SLC9A9: variants seen among roughly 807,000 people sequenced by gnomAD.
The protein encoded by SLC9A9 is sodium/hydrogen exchanger 9.
SLC9A9 carries 62 observed loss-of-function variants against 77.8 expected under a neutral mutation model. That is an observed-to-expected ratio of 0.80 (90% CI 0.65 to 0.98). The LOEUF (loss-of-function observed/expected upper bound fraction) is 0.98. SLC9A9 is among the 50% of genes least tolerant of loss of function. The probability of loss-of-function intolerance (pLI) is 0.00; values close to 1 mark genes in which losing one functional copy is unlikely to be tolerated. For synonymous variants in SLC9A9, 320 were observed against 283.5 expected, an observed-to-expected ratio of 1.13 and a Z score of -1.29; for missense variants, 775 against 774.9, an observed-to-expected ratio of 1.00 and a Z score of 0.00.
At chr3:143,541,092 T>G (rs1243608324) in intron 9 of SLC9A9, among the ~76,000 whole-genome samples, 1 of 152,174 alleles carries the variant, frequency 6.6e-6, no homozygotes, top group Non-Finnish European at 1.5e-5. Context: ...CACTTCAAAA[T>G]GTAAATGAAT....
At chr3:143,811,635 C>T in intron 2 of SLC9A9, 1 of 453,034 alleles carries the variant, frequency 2.2e-6, no homozygotes, top group East Asian at 7.0e-5. Flanking sequence ...CATTTGAGGC[C>T]AGGAGTTTGA....
chr3:143,644,643 T>C (rs187670540), intron 6 of SLC9A9, among the ~76,000 whole-genome samples: 1 of 152,266 alleles, frequency 6.6e-6, no homozygotes, highest in African/African-American at 2.4e-5. Flanking sequence ...CCAGCCTCTG[T>C]TTAAAGATCC....
intron 4 of SLC9A9, among the ~76,000 whole-genome samples, chr3:143,720,474 G>C (rs903051096): frequency 6.6e-6 from 1 of 152,090 alleles, no homozygotes; most frequent in Non-Finnish European, 1.5e-5. Context: ...CAATGCCTCC[G>C]GCCTCACTTG....
intron 11 of SLC9A9, among the ~76,000 whole-genome samples, chr3:143,477,611 T>TA (rs201336922): frequency 0.012 from 1,767 of 152,206 alleles, 31 homozygotes; most frequent in African/African-American, 0.04. Context: ...GTTCCATTGT[T>TA]ACATCAACCC....
At chr3:143,701,885 C>G (rs912273625) in intron 4 of SLC9A9, among the ~76,000 whole-genome samples, 12 of 152,164 alleles carry the variant, frequency 7.9e-5, no homozygotes, top group African/African-American at 2.9e-4. Flanking sequence ...TCCCAAAAGT[C>G]AAGGATAAAG....
chr3:143,569,580 A>AT (rs759838118), intron 8 of SLC9A9, among the ~76,000 whole-genome samples: 1 of 151,998 alleles, frequency 6.6e-6, no homozygotes, highest in African/African-American at 2.4e-5. Flanking sequence ...TTTTCTATAT[A>AT]TTTTTTCTTT....
chr3:143,473,901 C>T (rs2035420308), intron 11 of SLC9A9, among the ~76,000 whole-genome samples: 1 of 152,174 alleles, frequency 6.6e-6, no homozygotes, highest in Non-Finnish European at 1.5e-5. Context: ...ATTCAGGCTC[C>T]AGGTGATAGT....
intron 4 of SLC9A9, among the ~76,000 whole-genome samples, chr3:143,704,101 A>C (rs1933884932): frequency 6.6e-6 from 1 of 152,174 alleles, no homozygotes; most frequent in Non-Finnish European, 1.5e-5. Flanking sequence ...CCCAGTAAAG[A>C]AAAGCCCGGG....
At chr3:143,393,742 G>C (rs936263951) in intron 12 of SLC9A9, among the ~76,000 whole-genome samples, 5 of 151,722 alleles carry the variant, frequency 3.3e-5, no homozygotes, top group African/African-American at 9.7e-5. Context: ...GAATCAAATA[G>C]ACGCAATAAA....
intron 4 of SLC9A9, among the ~76,000 whole-genome samples, chr3:143,764,580 GT>G: frequency 6.6e-6 from 1 of 152,126 alleles, no homozygotes; most frequent in South Asian, 2.1e-4. Flanking sequence ...TTGTTTGTTG[GT>G]TTTGAGGCAG....
At chr3:143,763,178 A>G (rs1269503558) in intron 4 of SLC9A9, among the ~76,000 whole-genome samples, 2 of 152,124 alleles carry the variant, frequency 1.3e-5, no homozygotes, top group Admixed American at 6.6e-5. Flanking sequence ...CTGGAAATGC[A>G]TATGTTCTTA....
chr3:143,621,072 G>A (rs897367973), intron 6 of SLC9A9, among the ~76,000 whole-genome samples: 1 of 152,202 alleles, frequency 6.6e-6, no homozygotes, highest in Non-Finnish European at 1.5e-5. Flanking sequence ...TGGGGGAGGG[G>A]CGCCCACCAT....
intron 12 of SLC9A9, among the ~76,000 whole-genome samples, chr3:143,383,837 G>T (rs951714805): frequency 1.3e-5 from 2 of 152,158 alleles, no homozygotes; most frequent in East Asian, 1.9e-4. Context: ...CTGTTGGGGT[G>T]GGGGAAGCAA....
chr3:143,649,938 A>T (rs1380301674), intron 6 of SLC9A9, among the ~76,000 whole-genome samples: 2 of 151,556 alleles, frequency 1.3e-5, no homozygotes, highest in Non-Finnish European at 3.0e-5. Context: ...CACTTCAAGT[A>T]CATAGAGTCT....
intron 5 of SLC9A9, among the ~76,000 whole-genome samples, chr3:143,652,854 C>T (rs555421897): frequency 3.3e-5 from 5 of 150,360 alleles, no homozygotes; most frequent in Non-Finnish European, 7.4e-5. Context: ...CTTTAAGAAC[C>T]TTTCAACTGT....
intron 4 of SLC9A9, among the ~76,000 whole-genome samples, chr3:143,717,230 C>G (rs1191890103): frequency 6.6e-6 from 1 of 152,156 alleles, no homozygotes; most frequent in Non-Finnish European, 1.5e-5. Flanking sequence ...GTTGGGGAGG[C>G]AGGTGCTGAG....
At chr3:143,751,738 T>C (rs1276115109) in intron 4 of SLC9A9, among the ~76,000 whole-genome samples, 1 of 152,070 alleles carries the variant, frequency 6.6e-6, no homozygotes, top group Non-Finnish European at 1.5e-5. Flanking sequence ...AGGAAGTAAA[T>C]AGTATGACAC....
At chr3:143,743,237 GGATGGATAGATAGATA>G (rs1413465634) in intron 4 of SLC9A9, among the ~76,000 whole-genome samples, 71 of 134,476 alleles carry the variant, frequency 5.3e-4, no homozygotes, top group African/African-American at 1.9e-3. Context: ...ATGGATGGAT[GGATGGATAGATAGATA>G]GATAGATAGA....
chr3:143,679,032 T>A (rs1312279161), intron 5 of SLC9A9, among the ~76,000 whole-genome samples: 1 of 112,556 alleles, frequency 8.9e-6, no homozygotes, highest in African/African-American at 3.4e-5. Flanking sequence ...GGGAAAGAGG[T>A]GAGAGGGGTG....
Sources: allele counts gnomAD v4.1 joint callset (sites outside exome capture counted in the v4.1 genomes callset), GRCh38; gene constraint gnomAD v4.1.1; transcripts MANE v1.5; gene names NCBI Gene and HGNC (gene_info 2026-07-23, HGNC 2026-07-21).